The following FGF14 variants were observed in gnomAD, a reference collection of about 807,000 sequenced individuals.
The protein encoded by FGF14 is fibroblast growth factor homologous factor 4.
A neutral mutation model predicts 25.5 loss-of-function variants in FGF14; 5 were observed. That is an observed-to-expected ratio of 0.20 (90% confidence interval 0.10 to 0.41). The LOEUF (loss-of-function observed/expected upper bound fraction) is 0.41, where lower values mean the gene tolerates loss of function less well. Ranked by LOEUF, FGF14 falls within the 10% of genes least tolerant of loss-of-function variation. The probability of loss-of-function intolerance (pLI) is 1.00; values close to 1 mark genes in which losing one functional copy is unlikely to be tolerated. For synonymous variants in FGF14, 138 were observed against 118.3 expected (o/e 1.17, Z -1.08); for missense variants, 222 against 320.1 (o/e 0.69, Z 2.34).
Position 102,167,207 on chromosome 13 carries a change from A to G in FGF14, c.208+234264T>C, listed in dbSNP as rs942252275. On this transcript the variant is annotated intron_variant, in intron 1 of 4. Coordinates refer to the FGF14 transcript ENST00000376131. ...ACAAAAATTTGCTGGACATGGTGGCATGCCCCTATAATCCCATCTACTCAG... is the reference window on the plus strand; with the variant it reads ...ACAAAAATTTGCTGGACATGGTGGCGTGCCCCTATAATCCCATCTACTCAG... Among the ~76,000 whole-genome samples, 56 of 149,720 alleles carry G rather than the reference A, an allele frequency of 3.7e-4. No homozygotes were observed. The Admixed American group carries it at 3.7e-3, about 10-fold the overall frequency.
chr13:101,840,324 G>A (rs749132211), intron 3 of FGF14, among the ~76,000 whole-genome samples: 27 of 151,760 alleles, frequency 1.8e-4, no homozygotes, highest in Non-Finnish European at 3.2e-4. Flanking sequence ...AATACGTTAT[G>A]AAAAACCAAT....
intron 1 of FGF14, among the ~76,000 whole-genome samples, chr13:102,214,874 A>G (rs976452790): frequency 6.6e-6 from 1 of 152,178 alleles, no homozygotes; most frequent in Admixed American, 6.5e-5. Flanking sequence ...GTCAAGGTTG[A>G]GAAATCTTGT....
chr13:101,953,239 G>T lies in FGF14; in HGVS notation c.209-77943C>A, dbSNP rs897067017. ...CAGACTGAAAACCATCTTTTCTTCA[G>T]GTTCATCTGTGCACCAACGGTTTTA... On this transcript the variant is annotated intron_variant, in intron 1 of 4. Coordinates refer to the FGF14 transcript ENST00000376131. 2.0e-5 allele frequency among the ~76,000 whole-genome samples: 3 copies of T among 152,048 alleles called. No individual in the cohort carries two copies. The South Asian group carries it at 6.2e-4, about 32-fold the overall frequency.
chr13:102,108,702 T>C (rs1476185277), intron 1 of FGF14, among the ~76,000 whole-genome samples: 1 of 152,238 alleles, frequency 6.6e-6, no homozygotes, highest in Non-Finnish European at 1.5e-5. Context: ...TGAACAGCCC[T>C]TGTTCATAGA....
At chr13:102,212,066 G>A (rs904856589) in intron 1 of FGF14, among the ~76,000 whole-genome samples, 6 of 152,102 alleles carry the variant, frequency 3.9e-5, no homozygotes, top group African/African-American at 1.4e-4. Context: ...TCTCATTAGA[G>A]GACGTTAGGG....
At chr13:102,098,270 C>G (rs551790241) in intron 1 of FGF14, among the ~76,000 whole-genome samples, 2 of 152,270 alleles carry the variant, frequency 1.3e-5, no homozygotes, top group East Asian at 3.9e-4. Context: ...ATTTAGCACT[C>G]CATTTCTAGA....
chr13:102,181,403 C>T (rs1361450143), intron 1 of FGF14, among the ~76,000 whole-genome samples: 1 of 152,116 alleles, frequency 6.6e-6, no homozygotes, highest in African/African-American at 2.4e-5. Context: ...TATTGAAGTC[C>T]TAATCCCTGA....
intron 1 of FGF14, among the ~76,000 whole-genome samples, chr13:102,041,583 T>TAAAAAAAA (rs11430268): frequency 2.8e-5 from 4 of 141,942 alleles, no homozygotes; most frequent in African/African-American, 1.1e-4. Context: ...TGTTTCCATG[T>TAAAAAAAA]AAAAAAAAAA....
chr13:102,378,028 G>C (rs2058081055), intron 1 of FGF14, among the ~76,000 whole-genome samples: 1 of 152,132 alleles, frequency 6.6e-6, no homozygotes, highest in Admixed American at 6.5e-5. Context: ...GCTCTTACTA[G>C]GCCTCTAATA....
chr13:102,384,661 A>C (rs1279878381), intron 1 of FGF14, among the ~76,000 whole-genome samples: 3 of 152,160 alleles, frequency 2.0e-5, no homozygotes, highest in Non-Finnish European at 4.4e-5. Flanking sequence ...ACTGTACCCT[A>C]CAATACTAAT....
intron 3 of FGF14, among the ~76,000 whole-genome samples, chr13:101,745,833 G>A (rs184581733): frequency 1.3e-5 from 2 of 152,086 alleles, no homozygotes; most frequent in East Asian, 3.9e-4. Flanking sequence ...CCTACATATG[G>A]AGGTGAAATG....
intron 1 of FGF14, among the ~76,000 whole-genome samples, chr13:102,029,088 T>C (rs1309347235): frequency 2.0e-5 from 3 of 152,054 alleles, no homozygotes; most frequent in Non-Finnish European, 4.4e-5. Context: ...ACAGCACACA[T>C]GGTAACTTCG....
At chr13:102,340,320 T>G (rs915518339) in intron 1 of FGF14, among the ~76,000 whole-genome samples, 7 of 152,162 alleles carry the variant, frequency 4.6e-5, no homozygotes, top group African/African-American at 1.7e-4. Context: ...AAAAAATATT[T>G]TTATTTCAGA....
chr13:102,016,063 T>C (rs2040326366), intron 1 of FGF14, among the ~76,000 whole-genome samples: 3 of 151,188 alleles, frequency 2.0e-5, no homozygotes, highest in Non-Finnish European at 2.9e-5. Flanking sequence ...ACAATAAAAT[T>C]CATGAATTTT....
intron 1 of FGF14, among the ~76,000 whole-genome samples, chr13:102,086,524 C>T (rs1384685146): frequency 6.6e-6 from 1 of 150,712 alleles, no homozygotes; most frequent in Non-Finnish European, 1.5e-5. Context: ...AGAGAGACTC[C>T]GTCTCAAAAA....
intron 2 of FGF14, among the ~76,000 whole-genome samples, chr13:101,872,859 G>A (rs1566354861): frequency 2.0e-5 from 3 of 151,990 alleles, no homozygotes; most frequent in Non-Finnish European, 4.4e-5. Flanking sequence ...CTTTGCACAG[G>A]AATTTGAGCC....
At chr13:102,226,559 A>G (rs2050834205) in intron 1 of FGF14, among the ~76,000 whole-genome samples, 1 of 152,216 alleles carries the variant, frequency 6.6e-6, no homozygotes, top group East Asian at 1.9e-4. Flanking sequence ...TACTTCAGCA[A>G]CAATGCTTCC....
At chr13:101,735,225 C>T (rs969493206) in intron 3 of FGF14, among the ~76,000 whole-genome samples, 5 of 152,118 alleles carry the variant, frequency 3.3e-5, no homozygotes, top group Admixed American at 2.6e-4. Context: ...AATATGCATA[C>T]GCTTATTGTT....
In FGF14 at chr13:102,333,804, T is replaced by A. The variant is rs996465653; in HGVS notation, c.208+67667A>T. Among the ~76,000 whole-genome samples the A allele has an allele frequency of 2.0e-5, 3 of 152,274 alleles. No homozygotes were observed. The East Asian group carries it at 5.8e-4, about 29-fold the overall frequency. On this transcript the variant is annotated intron_variant, in intron 1 of 4. Transcript: ENST00000376131. The stretch of plus-strand genomic sequence containing the variant: ...GGTATTTGGTCATTTGTTATGGTAA[T>A]CACCAGCGTGTAAAGGGCTCTTCCC...
Sources: gnomAD v4.1 joint callset for allele counts (sites outside exome capture counted in the v4.1 genomes callset) on GRCh38, gnomAD v4.1.1 for gene constraint, MANE v1.5 for transcripts, NCBI Gene and HGNC (gene_info 2026-07-23, HGNC 2026-07-21) for gene names.